PTPRG: variants seen among roughly 807,000 people sequenced by gnomAD.
PTPRG encodes the protein protein tyrosine phosphatase receptor type G.
A neutral mutation model predicts 165.3 loss-of-function variants in PTPRG; 102 were observed. The observed-to-expected ratio is 0.62, with a 90% CI of 0.53 to 0.73. The LOEUF (loss-of-function observed/expected upper bound fraction) is 0.73. PTPRG is among the 30% of genes least tolerant of loss of function. The pLI is 0.00. For missense variants in PTPRG, 1,866 were observed against 1,861.4 expected (o/e 1.00, Z -0.05); for synonymous variants, 675 against 669.5 (o/e 1.01, Z -0.13).
intron 8 of PTPRG, among the ~76,000 whole-genome samples, chr3:62,182,540 T>G (rs1039400937): frequency 5.9e-5 from 9 of 152,234 alleles, no homozygotes; most frequent in African/African-American, 1.9e-4. Context: ...GTTCTCCCAC[T>G]GGGCTGTCAT....
At chr3:61,916,689 C>T (rs1019007640) in intron 2 of PTPRG, among the ~76,000 whole-genome samples, 1 of 152,088 alleles carries the variant, frequency 6.6e-6, no homozygotes, top group African/African-American at 2.4e-5. Context: ...AGGTTTCATA[C>T]ATGTTCAAAA....
intron 1 of PTPRG, among the ~76,000 whole-genome samples, chr3:61,711,915 C>A (rs1215340823): frequency 7.7e-6 from 1 of 129,548 alleles, no homozygotes; most frequent in Admixed American, 8.7e-5. Context: ...TTTTTTGAGA[C>A]GGAGTTTCAC....
At chr3:62,163,579 T>C (rs1409730686) in intron 7 of PTPRG, among the ~76,000 whole-genome samples, 2 of 152,178 alleles carry the variant, frequency 1.3e-5, no homozygotes, top group African/African-American at 4.8e-5. Flanking sequence ...TGTCATAGGT[T>C]TGATAAATAT....
chr3:61,907,257 A>G (rs189375300), intron 2 of PTPRG, among the ~76,000 whole-genome samples: 1 of 152,006 alleles, frequency 6.6e-6, no homozygotes, highest in Non-Finnish European at 1.5e-5. Flanking sequence ...CTCGAGGGTG[A>G]CTCTCAAATC....
chr3:62,127,030 C>A (rs902600711), intron 5 of PTPRG, among the ~76,000 whole-genome samples: 13 of 152,124 alleles, frequency 8.5e-5, no homozygotes, highest in African/African-American at 3.1e-4. Context: ...TTTGTGAAGA[C>A]TAAAAAGAAA....
At chr3:61,787,796 T>C (rs1197135839) in intron 2 of PTPRG, among the ~76,000 whole-genome samples, 1 of 152,246 alleles carries the variant, frequency 6.6e-6, no homozygotes, top group East Asian at 1.9e-4. Context: ...TTTCCGTTTA[T>C]TACGGGAATT....
At chr3:62,223,546 T>A (rs1700695450) in intron 13 of PTPRG, among the ~76,000 whole-genome samples, 1 of 152,178 alleles carries the variant, frequency 6.6e-6, no homozygotes, top group South Asian at 2.1e-4. Context: ...AAAAACAGGT[T>A]GAGAAACACT....
At chr3:61,696,639 T>G (rs1575595207) in intron 1 of PTPRG, among the ~76,000 whole-genome samples, 1 of 152,346 alleles carries the variant, frequency 6.6e-6, no homozygotes, top group Admixed American at 6.5e-5. Flanking sequence ...ACTGGCTGGG[T>G]ACTTCAGTGG....
At chr3:62,291,198 G>T (rs1287228318) in intron 28 of PTPRG, among the ~76,000 whole-genome samples, 1 of 152,112 alleles carries the variant, frequency 6.6e-6, no homozygotes, top group Non-Finnish European at 1.5e-5. Flanking sequence ...TCATCAGATT[G>T]GCAAAAGTGT....
chr3:61,869,517 G>T (rs760322063), intron 2 of PTPRG, among the ~76,000 whole-genome samples: 1 of 152,036 alleles, frequency 6.6e-6, no homozygotes, highest in Non-Finnish European at 1.5e-5. Context: ...TTCCAAAGTT[G>T]TCTGTGCTTT....
At position 61,642,324 on chromosome 3, in the gene PTPRG, T is replaced by C. The variant is rs182679079; in HGVS notation, c.85+79952T>C. On this transcript the variant is annotated intron_variant, in intron 1 of 29. Coordinates refer to ENST00000474889, the MANE Select transcript of PTPRG (RefSeq NM_002841.4). ...TATTTTTCTCAAGTACAGTTTGTTA[T>C]TTTGCTCTGCTTTGCTGCTCATATG... 1.2e-4 allele frequency among the ~76,000 whole-genome samples: 18 copies of C among 152,270 alleles called. No homozygotes were observed. The East Asian group carries it at 3.1e-3, about 26-fold the overall frequency.
chr3:61,950,061 A>G (rs1332329110), intron 2 of PTPRG, among the ~76,000 whole-genome samples: 1 of 152,086 alleles, frequency 6.6e-6, no homozygotes, highest in Non-Finnish European at 1.5e-5. Context: ...TTTAGTTTTT[A>G]ATCACTGCCT....
chr3:61,831,039 T>G (rs2036275742), intron 2 of PTPRG, among the ~76,000 whole-genome samples: 1 of 152,260 alleles, frequency 6.6e-6, no homozygotes, highest in Non-Finnish European at 1.5e-5. Context: ...TAGCTTGTAC[T>G]GTCTGATATT....
intron 4 of PTPRG, among the ~76,000 whole-genome samples, chr3:62,010,712 A>G (rs539425823): frequency 7.2e-5 from 11 of 152,320 alleles, no homozygotes; most frequent in Admixed American, 2.0e-4. Flanking sequence ...TCAAGAAACA[A>G]TTTTTTAGCA....
chr3:61,914,355 A>G (rs549574785), intron 2 of PTPRG, among the ~76,000 whole-genome samples: 1 of 152,286 alleles, frequency 6.6e-6, no homozygotes, highest in African/African-American at 2.4e-5. Context: ...TGTGTTCCCC[A>G]TGGGGACTTT....
chr3:62,062,176 G>T (rs925968594), intron 4 of PTPRG, among the ~76,000 whole-genome samples: 11 of 151,908 alleles, frequency 7.2e-5, no homozygotes, highest in African/African-American at 2.7e-4. Context: ...GCGCGTGCCT[G>T]TAATCCCAGC....
At chr3:61,930,302 C>A (rs1006133938) in intron 2 of PTPRG, among the ~76,000 whole-genome samples, 4 of 151,982 alleles carry the variant, frequency 2.6e-5, no homozygotes, top group Non-Finnish European at 5.9e-5. Context: ...GGCTTCATAC[C>A]CTCAAGGGTG....
At chr3:61,952,386 G>C (rs2039921333) in intron 2 of PTPRG, among the ~76,000 whole-genome samples, 1 of 152,146 alleles carries the variant, frequency 6.6e-6, no homozygotes, top group Non-Finnish European at 1.5e-5. Flanking sequence ...GAATGATAAA[G>C]GGGTTGAACC....
Position 62,157,201 on chromosome 3 carries a change from C to A in PTPRG, c.817C>A (p.Pro273Thr), listed in dbSNP as rs750173117. The A allele has an allele frequency of 3.9e-5, 63 of 1,613,680 alleles. No individual in the cohort carries two copies. Among genetic ancestry groups the A allele is most frequent in the Non-Finnish European group, 5.3e-5 (63 of 1,179,760 alleles). Reference sequence around the variant, plus strand: ...AGTGGAGTGGATAGTCTTCCGGAGACCCGTCCCCATCTCTTACCATCAGGT... The same window carrying A: ...AGTGGAGTGGATAGTCTTCCGGAGAACCGTCCCCATCTCTTACCATCAGGT... ...EIVEWIVFRRPVPISYHQLEA... is the reference protein window; with the variant it reads ...EIVEWIVFRRTVPISYHQLEA... The change falls in exon 7 of 30, where the codon CCC becomes ACC. Residue 273 changes from proline (P) to threonine (T), a missense_variant. Pro to Thr is a conservative substitution (Grantham distance 38, BLOSUM62 -1). Around this residue, in one of 3 missense-constraint regions of PTPRG, gnomAD observed 408 missense variants for 376.2 expected, o/e 1.08. Transcript: ENST00000474889.
Sources: allele counts gnomAD v4.1 joint callset (sites outside exome capture counted in the v4.1 genomes callset), GRCh38; gene constraint gnomAD v4.1.1; regional missense constraint gnomAD v4.1.1; transcripts MANE v1.5; gene names NCBI Gene and HGNC (gene_info 2026-07-23, HGNC 2026-07-21).